The following DNAAF11 variants were observed in gnomAD, a reference collection of about 807,000 sequenced individuals.
The protein encoded by DNAAF11 is dynein axonemal assembly factor 11.
In DNAAF11, 45 loss-of-function variants were observed where a neutral mutation model predicts 60.8. The observed-to-expected ratio is 0.74, with a 90% CI of 0.58 to 0.95. The LOEUF is 0.95. DNAAF11 is among the 40% of genes least tolerant of loss of function. The pLI is 0.00. For missense variants in DNAAF11, 546 were observed against 546.2 expected, an observed-to-expected ratio of 1.00 and a Z score of 0.00; for synonymous variants, 191 against 183.5, an observed-to-expected ratio of 1.04 and a Z score of -0.33.
At position 132,571,199 on chromosome 8, in the gene DNAAF11, CT is replaced by C. The variant is rs1463699879; in HGVS notation, c.*1106del. ...CCTTGATTCCCTCACTCTGACTCTC[CT>C]TCACAGCTCTGAACACCACCTGACA... On this transcript the variant is annotated 3_prime_UTR_variant, in exon 12 of 12. Transcript: ENST00000620350. Among the ~76,000 whole-genome samples the C allele has an allele frequency of 6.6e-6, 1 of 152,182 alleles. No individual in the cohort carries two copies. The highest frequency in any genetic ancestry group is 2.1e-4 in the South Asian group (1 of 4,832).
intron 1 of DNAAF11, among the ~76,000 whole-genome samples, chr8:132,673,949 G>C (rs1001167641): frequency 2.0e-5 from 3 of 152,098 alleles, no homozygotes; most frequent in Admixed American, 6.6e-5. Context: ...AAGTGGGCAC[G>C]ACTCAGAGAA....
chr8:132,598,048 C>A lies in DNAAF11; in HGVS notation c.1140+12118G>T, dbSNP rs78895159. ...AAAATTATGAGGCATTGTTTGTGTT[C>A]ATTTGGAAACATACCCTATGATTTA... is the stretch of plus-strand genomic sequence containing the variant. On this transcript the variant is annotated intron_variant, in intron 10 of 11. Coordinates refer to ENST00000620350, the MANE Select transcript of DNAAF11 (RefSeq NM_012472.6). Among the ~76,000 whole-genome samples the A allele has an allele frequency of 9.9e-3, 1,514 of 152,236 alleles. 30 individuals are homozygous for A. The highest frequency in any genetic ancestry group is 0.034 in the African/African-American group (1,417 of 41,540).
intron 6 of DNAAF11, among the ~76,000 whole-genome samples, chr8:132,624,801 T>C (rs530950340): frequency 5.9e-5 from 9 of 152,332 alleles, no homozygotes; most frequent in East Asian, 1.9e-4. Context: ...TCAAATTATA[T>C]GTAAACAACT....
chr8:132,625,183 A>C, intron 6 of DNAAF11, 89 bp downstream of exon 6: 1 of 1,009,050 alleles, frequency 9.9e-7, no homozygotes, highest in Non-Finnish European at 1.4e-6. Flanking sequence ...TAAAGGTTTA[A>C]CACAAATAAT....
intron 1 of DNAAF11, among the ~76,000 whole-genome samples, chr8:132,667,911 C>T (rs1319320138): frequency 6.6e-6 from 1 of 152,170 alleles, no homozygotes; most frequent in Non-Finnish European, 1.5e-5. Flanking sequence ...TTTTTCATTA[C>T]ATTGAGCAAA....
chr8:132,698,526 G>A, the DNAAF11 span, among the ~76,000 whole-genome samples: 1 of 152,096 alleles, frequency 6.6e-6, no homozygotes, highest in Non-Finnish European at 1.5e-5. Context: ...ATTACAATGT[G>A]CCTGGTATAA....
At chr8:132,701,166 C>T in the DNAAF11 span, among the ~76,000 whole-genome samples, 1 of 152,128 alleles carries the variant, frequency 6.6e-6, no homozygotes, top group Non-Finnish European at 1.5e-5. Context: ...GTTACAATGG[C>T]AATTACATTT....
chr8:132,651,086 C>G (rs1822965649), intron 3 of DNAAF11, among the ~76,000 whole-genome samples: 1 of 152,152 alleles, frequency 6.6e-6, no homozygotes, highest in African/African-American at 2.4e-5. Context: ...CCTCTATCTC[C>G]TGTTCTGTGG....
At chr8:132,648,480 A>G (rs912672588) in intron 3 of DNAAF11, among the ~76,000 whole-genome samples, 6 of 152,186 alleles carry the variant, frequency 3.9e-5, no homozygotes, top group African/African-American at 1.2e-4. Flanking sequence ...CACCACTCCT[A>G]TTCAATATAG....
intron 4 of DNAAF11, 74 bp from the exon 5 acceptor site, chr8:132,633,037 T>A (rs2130462222): frequency 1.2e-6 from 1 of 866,170 alleles, no homozygotes; most frequent in Non-Finnish European, 1.8e-6. Flanking sequence ...TTGATTTTGA[T>A]TAGAAATAAT....
chr8:132,593,458 T>C (rs7465694), intron 10 of DNAAF11, among the ~76,000 whole-genome samples: 36,589 of 149,230 alleles, frequency 0.25, 5,350 homozygotes, highest in African/African-American at 0.41. Context: ...CTCATGACCA[T>C]ACACTGGCAA....
chr8:132,683,430 C>A, the DNAAF11 span, among the ~76,000 whole-genome samples: 2 of 152,190 alleles, frequency 1.3e-5, no homozygotes, highest in Non-Finnish European at 2.9e-5. Context: ...ACCAGAACGA[C>A]CCAGCCAGCA....
upstream of DNAAF11, among the ~76,000 whole-genome samples, chr8:132,680,270 C>T (rs1191673185): frequency 6.6e-6 from 1 of 152,170 alleles, no homozygotes; most frequent in Non-Finnish European, 1.5e-5. Context: ...TCCAAATAGA[C>T]TTATTTCTTT....
chr8:132,664,561 A>C (rs1469872107), intron 1 of DNAAF11, among the ~76,000 whole-genome samples: 1 of 152,128 alleles, frequency 6.6e-6, no homozygotes. Context: ...GCCCAGGATC[A>C]AGGGATCCTC....
intron 11 of DNAAF11, among the ~76,000 whole-genome samples, chr8:132,572,963 G>A (rs929595761): frequency 6.6e-6 from 1 of 152,140 alleles, no homozygotes; most frequent in Non-Finnish European, 1.5e-5. Flanking sequence ...ATAGTAAAGT[G>A]TAGCCCCACC....
In DNAAF11 at chr8:132,572,177, T is replaced by G. The variant is rs1814256155; in HGVS notation, c.*129A>C. Reference sequence around the variant, plus strand: ...AGGATATTACTATGCAAAGTAAGAGTTAAAACACTGGAGCAGCGATATTGA... The same window carrying G: ...AGGATATTACTATGCAAAGTAAGAGGTAAAACACTGGAGCAGCGATATTGA... On this transcript the variant is annotated 3_prime_UTR_variant, in exon 12 of 12. Coordinates refer to ENST00000620350, the MANE Select transcript of DNAAF11 (RefSeq NM_012472.6). 1.4e-6 allele frequency: 1 copy of G among 719,342 alleles called. No homozygotes were observed. The highest frequency in any genetic ancestry group is 2.9e-4 in the Middle Eastern group (1 of 3,502). The allele number at this position is 719,342 out of a possible 1,614,324, so 44.6% of individuals were successfully genotyped here.
chr8:132,640,392 G>A (rs1486143552), intron 3 of DNAAF11, among the ~76,000 whole-genome samples: 1 of 152,082 alleles, frequency 6.6e-6, no homozygotes, highest in Non-Finnish European at 1.5e-5. Flanking sequence ...ATTTCCAAAT[G>A]ATAACCCACT....
intron 10 of DNAAF11, among the ~76,000 whole-genome samples, chr8:132,591,096 A>T (rs1816417499): frequency 6.6e-6 from 1 of 152,188 alleles, no homozygotes; most frequent in Admixed American, 6.6e-5. Flanking sequence ...TTAGGAGAGA[A>T]TCAAAATTTA....
At chr8:132,586,777 T>C (rs1815946704) in intron 10 of DNAAF11, among the ~76,000 whole-genome samples, 1 of 152,138 alleles carries the variant, frequency 6.6e-6, no homozygotes, top group African/African-American at 2.4e-5. Flanking sequence ...ACTGAGACCT[T>C]TGTTGGTCCT....
Sources: gnomAD v4.1 joint callset for allele counts (sites outside exome capture counted in the v4.1 genomes callset) on GRCh38, gnomAD v4.1.1 for gene constraint, MANE v1.5 for transcripts, NCBI Gene and HGNC (gene_info 2026-07-23, HGNC 2026-07-21) for gene names.